The following PRIMA1 variants were observed in gnomAD, a reference collection of about 807,000 sequenced individuals.
The protein encoded by PRIMA1 is proline rich membrane anchor 1.
PRIMA1 carries 7 observed loss-of-function variants against 17.5 expected under a neutral mutation model. The observed-to-expected ratio is 0.40, with a 90% confidence interval of 0.23 to 0.75. The LOEUF (loss-of-function observed/expected upper bound fraction) is 0.75, where lower values mean the gene tolerates loss of function less well. Ranked by LOEUF, PRIMA1 falls within the 30% of genes least tolerant of loss-of-function variation. PRIMA1 has a pLI of 0.37. For missense variants in PRIMA1, 200 were observed against 201.8 expected, an observed-to-expected ratio of 0.99 and a Z score of 0.05; for synonymous variants, 97 against 77.9, an observed-to-expected ratio of 1.25 and a Z score of -1.29.
intron 3 of PRIMA1, among the ~76,000 whole-genome samples, chr14:93,776,016 A>G (rs1047259811): frequency 1.3e-5 from 2 of 152,198 alleles, no homozygotes; most frequent in Admixed American, 1.3e-4. Context: ...CTTCCCTCGG[A>G]CTACTGGGAA....
At chr14:93,780,176 C>G (rs560814595) in intron 2 of PRIMA1, among the ~76,000 whole-genome samples, 1 of 152,248 alleles carries the variant, frequency 6.6e-6, no homozygotes, top group Non-Finnish European at 1.5e-5. Context: ...TACCCTGCTA[C>G]GCCCCTGACT....
chr14:93,752,572 G>A (rs2076266713), intron 3 of PRIMA1, among the ~76,000 whole-genome samples: 1 of 152,192 alleles, frequency 6.6e-6, no homozygotes, highest in South Asian at 2.1e-4. Context: ...GGGCAGTTGG[G>A]CCACTGTGGT....
rs552795262 is a variant in PRIMA1 at position 93,747,608 on chromosome 14, TGA to T, written c.230-10240_230-10239del. 6.2e-4 allele frequency among the ~76,000 whole-genome samples: 92 copies of T among 148,402 alleles called. 1 individual carries two copies. The South Asian group carries it at 7.4e-3, about 12-fold the overall frequency. On this transcript the variant is annotated intron_variant, in intron 3 of 4. Transcript: ENST00000393140. ...CATGGGAGTATTGTGTATGAGTGTG[TGA>T]GAGTGTGTGGGGGAGTGTGTGAGTG...
intron 3 of PRIMA1, among the ~76,000 whole-genome samples, chr14:93,756,659 C>A (rs2076292574): frequency 6.6e-6 from 1 of 152,140 alleles, no homozygotes; most frequent in African/African-American, 2.4e-5. Flanking sequence ...CGTCCCCCAG[C>A]CCCCTGACTT....
At chr14:93,777,308 C>T (rs1595224451) in intron 3 of PRIMA1, among the ~76,000 whole-genome samples, 3 of 151,832 alleles carry the variant, frequency 2.0e-5, no homozygotes, top group Non-Finnish European at 4.4e-5. Flanking sequence ...CCCTTTTCCC[C>T]CAACCTGATT....
chr14:93,768,409 A>G (rs1422572978), intron 3 of PRIMA1, among the ~76,000 whole-genome samples: 1 of 152,294 alleles, frequency 6.6e-6, no homozygotes, highest in East Asian at 1.9e-4. Context: ...TCTTTGTGCC[A>G]CTGGTTTTAG....
chr14:93,760,272 C>T (rs893175494), intron 3 of PRIMA1, among the ~76,000 whole-genome samples: 4 of 152,216 alleles, frequency 2.6e-5, no homozygotes, highest in Admixed American at 2.6e-4. Flanking sequence ...CCTCGACTAA[C>T]TCAGCTGCTC....
chr14:93,765,624 G>A (rs115480562), intron 3 of PRIMA1, among the ~76,000 whole-genome samples: 1,985 of 152,126 alleles, frequency 0.013, 46 homozygotes, highest in African/African-American at 0.046. Flanking sequence ...CATGGCACCT[G>A]GGTTCCAAAT....
At chr14:93,727,704 T>C (rs78253071) in intron 4 of PRIMA1, among the ~76,000 whole-genome samples, 9,933 of 152,150 alleles carry the variant, frequency 0.065, 456 homozygotes, top group Non-Finnish European at 0.099. Flanking sequence ...ACAGAACAGG[T>C]GGGCACAGGC....
At chr14:93,744,134 C>T (rs1193831256) in intron 3 of PRIMA1, among the ~76,000 whole-genome samples, 1 of 152,220 alleles carries the variant, frequency 6.6e-6, no homozygotes, top group Admixed American at 6.5e-5. Context: ...AGGGACCAGA[C>T]CCAGGTCCTC....
chr14:93,754,309 C>G (rs1207660425), intron 3 of PRIMA1, among the ~76,000 whole-genome samples: 1 of 152,136 alleles, frequency 6.6e-6, no homozygotes, highest in Middle Eastern at 3.2e-3. Context: ...GACAATCTGA[C>G]CCCAAAGTCC....
At chr14:93,778,472 G>A (rs11623857) in intron 3 of PRIMA1, among the ~76,000 whole-genome samples, 35,871 of 152,176 alleles carry the variant, frequency 0.24, 4,833 homozygotes, top group Middle Eastern at 0.31. Flanking sequence ...ATGGAGATGT[G>A]TTTAATGAGG....
At chr14:93,723,331 A>C (rs1374741831) in intron 4 of PRIMA1, among the ~76,000 whole-genome samples, 1 of 152,022 alleles carries the variant, frequency 6.6e-6, no homozygotes. Flanking sequence ...CTGCCTTTTC[A>C]AATGTTCCCA....
chr14:93,759,843 G>T (rs545808865), intron 3 of PRIMA1, among the ~76,000 whole-genome samples: 1 of 152,196 alleles, frequency 6.6e-6, no homozygotes, highest in African/African-American at 2.4e-5. Flanking sequence ...GAAGGACGTG[G>T]TGTTCACCAC....
intron 3 of PRIMA1, among the ~76,000 whole-genome samples, chr14:93,754,788 A>G (rs1361770433): frequency 4.6e-5 from 7 of 152,184 alleles, no homozygotes; most frequent in Non-Finnish European, 2.9e-5. Flanking sequence ...ACAGCCGGCC[A>G]TGCAGCTCAC....
At chr14:93,775,743 C>T (rs1174311284) in intron 3 of PRIMA1, among the ~76,000 whole-genome samples, 5 of 152,366 alleles carry the variant, frequency 3.3e-5, no homozygotes, top group African/African-American at 7.2e-5. Flanking sequence ...CCTTCCATGC[C>T]GGAGGCACTC....
rs114842316 is a variant in PRIMA1 at position 93,773,739 on chromosome 14, A to C, written c.229+5437T>G. Among the ~76,000 whole-genome samples the C allele has an allele frequency of 9.7e-3, 1,482 of 152,288 alleles. 24 individuals are homozygous for C. Among genetic ancestry groups the C allele is most frequent in the African/African-American group, 0.034 (1,409 of 41,548 alleles). On this transcript the variant is annotated intron_variant, in intron 3 of 4. Coordinates refer to ENST00000393140, the MANE Select transcript of PRIMA1 (RefSeq NM_178013.4). ...CACAGATCTGGGCCTGCCACAGAGG[A>C]ATAGGAGGCCAAGCTGCCCTCTCCA...
chr14:93,764,998 A>G (rs1884845475), intron 3 of PRIMA1, among the ~76,000 whole-genome samples: 1 of 151,854 alleles, frequency 6.6e-6, no homozygotes, highest in South Asian at 2.1e-4. Context: ...CTCCTGGGGG[A>G]ATTGAGCTGG....
intron 2 of PRIMA1, among the ~76,000 whole-genome samples, chr14:93,784,299 C>T (rs76470617): frequency 0.043 from 6,504 of 152,294 alleles, 229 homozygotes; most frequent in Admixed American, 0.1. Flanking sequence ...TTACCTCCTC[C>T]CTGCATCCAT....
Sources: gnomAD v4.1 joint callset for allele counts (sites outside exome capture counted in the v4.1 genomes callset) on GRCh38, gnomAD v4.1.1 for gene constraint, MANE v1.5 for transcripts, NCBI Gene and HGNC (gene_info 2026-07-23, HGNC 2026-07-21) for gene names.